ACLY: variants seen among roughly 807,000 people sequenced by gnomAD.
ACLY encodes the protein ATP-citrate synthase.
Under a neutral mutation model 133.0 loss-of-function variants are expected in ACLY, and 41 were observed. The ratio of observed to expected loss-of-function variants is 0.31; its 90% confidence interval spans 0.24 to 0.40. The LOEUF (loss-of-function observed/expected upper bound fraction) is 0.40, where lower values mean the gene tolerates loss of function less well. Ranked by LOEUF, ACLY falls within the 10% of genes least tolerant of loss-of-function variation. ACLY has a pLI of 1.00. For synonymous variants in ACLY, 495 were observed against 549.3 expected (o/e 0.90, Z 1.38); for missense variants, 1,046 against 1,453.8 (o/e 0.72, Z 4.56).
chr17:41,908,502 G>A (rs1242678342), intron 6 of ACLY, among the ~76,000 whole-genome samples: 3 of 152,138 alleles, frequency 2.0e-5, no homozygotes, highest in Admixed American at 6.5e-5. Flanking sequence ...GGTGGCTCAC[G>A]CCTGTAATCT....
intron 1 of ACLY, among the ~76,000 whole-genome samples, chr17:41,918,351 G>C (rs1209997225): frequency 6.6e-6 from 1 of 152,214 alleles, no homozygotes; most frequent in Non-Finnish European, 1.5e-5. Context: ...CGCCCCGGAG[G>C]CGCGCATAGC....
chr17:41,921,743 G>A (rs963980378), upstream of ACLY, among the ~76,000 whole-genome samples: 6 of 151,488 alleles, frequency 4.0e-5, no homozygotes, highest in Non-Finnish European at 5.9e-5. Flanking sequence ...GCCAAGGTGG[G>A]AAAATCACTT....
chr17:41,868,904 C>T lies in ACLY; in HGVS notation c.3135-119G>A, dbSNP rs151071150. The T allele has an allele frequency of 1.6e-5, 22 of 1,347,612 alleles. No homozygotes were observed. In the African/African-American group the frequency reaches 2.3e-4, roughly 14 times the overall value. The allele number at this position is 1,347,612 out of a possible 1,614,324, so 83.5% of individuals were successfully genotyped here. A position where few individuals can be genotyped will look rare whatever the true frequency, so the allele number is the denominator to read the frequency against. On this transcript the variant is annotated intron_variant, in intron 27 of 28. Transcript: ENST00000352035. ...AGGGGTGCTCTGGGTGGTAGCATTA[C>T]AGGCAATTTTTGTTTTCTTCTTTAT...
intron 6 of ACLY, 90 bp from the exon 7 acceptor site, chr17:41,907,662 G>C: frequency 6.7e-7 from 1 of 1,482,524 alleles, no homozygotes; most frequent in Non-Finnish European, 9.3e-7. Context: ...CCGATCCCAT[G>C]GTGGCCCATT....
At chr17:41,881,382 C>A (rs2144255445) in intron 20 of ACLY, among the ~76,000 whole-genome samples, 1 of 138,978 alleles carries the variant, frequency 7.2e-6, no homozygotes, top group African/African-American at 2.7e-5. Flanking sequence ...GAGATCGCAC[C>A]ACTGCACTCC....
intron 16 of ACLY, among the ~76,000 whole-genome samples, chr17:41,889,062 G>C (rs1232925550): frequency 1.3e-5 from 2 of 150,552 alleles, no homozygotes; most frequent in Non-Finnish European, 3.0e-5. Flanking sequence ...AGGTTGCGGT[G>C]AGCCGAGATC....
At chr17:41,897,426 C>T (rs1200147778) in intron 13 of ACLY, among the ~76,000 whole-genome samples, 3 of 152,166 alleles carry the variant, frequency 2.0e-5, no homozygotes, top group Admixed American at 1.3e-4. Flanking sequence ...TCTCAGAGAA[C>T]TTTCCACTTC....
At chr17:41,868,959 A>G in intron 27 of ACLY, 84 bp downstream of exon 27, 1 of 1,374,850 alleles carries the variant, frequency 7.3e-7, no homozygotes, top group Non-Finnish European at 1.0e-6. Context: ...ATATTCTATT[A>G]TGAGTATGCA....
At position 41,868,701 on chromosome 17, in the gene ACLY, G is replaced by A. The variant is rs782298342; in HGVS notation, c.3211+8C>T. On this transcript the variant is annotated splice_region_variant and intron_variant, in intron 28 of 28. Coordinates refer to ENST00000352035, the MANE Select transcript of ACLY (RefSeq NM_001096.3). ...AAAAACACTTAAAACAACAACGAAT[G>A]GACTCACCAATGAACCCCATACTCC... 1 of 1,611,710 alleles carries A rather than the reference G, an allele frequency of 6.2e-7. No individual in the cohort carries two copies. The highest frequency in any genetic ancestry group is 1.3e-5 in the African/African-American group (1 of 74,652).
intron 19 of ACLY, 118 bp downstream of exon 19, chr17:41,884,075 G>A (rs557622705): frequency 3.1e-6 from 2 of 637,456 alleles, no homozygotes; most frequent in South Asian, 1.9e-5. Flanking sequence ...TCTAGGGGAT[G>A]GGATTACCAG....
chr17:41,929,913 C>G (rs1325685828), intron 1 of ACLY, among the ~76,000 whole-genome samples: 1 of 151,816 alleles, frequency 6.6e-6, no homozygotes, highest in Non-Finnish European at 1.5e-5. Flanking sequence ...CATCTTTTTA[C>G]TATTTAAACT....
chr17:41,902,338 C>T (rs782201084), intron 10 of ACLY, among the ~76,000 whole-genome samples: 6 of 152,166 alleles, frequency 3.9e-5, no homozygotes, highest in Non-Finnish European at 7.3e-5. Context: ...CTCATCCTCC[C>T]GAGTAGCTGG....
chr17:41,885,608 G>C (rs1471904829), intron 18 of ACLY, among the ~76,000 whole-genome samples: 1 of 152,188 alleles, frequency 6.6e-6, no homozygotes, highest in Non-Finnish European at 1.5e-5. Context: ...AGCACCTGCT[G>C]AACGCAGGCC....
chr17:41,923,491 C>T (rs1340953030), upstream of ACLY, among the ~76,000 whole-genome samples: 1 of 152,238 alleles, frequency 6.6e-6, no homozygotes, highest in African/African-American at 2.4e-5. Flanking sequence ...ACCTAATGAT[C>T]TTCAGACTCC....
At chr17:41,875,904 T>C (rs2048733722) in intron 22 of ACLY, among the ~76,000 whole-genome samples, 1 of 146,130 alleles carries the variant, frequency 6.8e-6, no homozygotes, top group African/African-American at 2.6e-5. Flanking sequence ...TGGCCGCCCA[T>C]AGTCTGGGAT....
rs782715681 is a variant in ACLY, at chr17:41,884,282, G to A, written c.2073-8C>T. On this transcript the variant is annotated splice_region_variant and splice_polypyrimidine_tract_variant and intron_variant, in intron 18 of 28. Coordinates refer to ENST00000352035, the MANE Select transcript of ACLY (RefSeq NM_001096.3). Reference sequence around the variant, plus strand: ...AATGTGGAGCCCGGGTACCTGTTGAGAGCAGGGAGTATCAGGATACAGGAT... The same window carrying A: ...AATGTGGAGCCCGGGTACCTGTTGAAAGCAGGGAGTATCAGGATACAGGAT... The A allele has an allele frequency of 1.3e-6, 2 of 1,589,602 alleles. No individual in the cohort carries two copies. Among genetic ancestry groups the A allele is most frequent in the Non-Finnish European group, 1.7e-6 (2 of 1,157,734 alleles).
rs2049973245 is a variant in ACLY, at chr17:41,913,798, G to C, written c.76C>G (p.Gln26Glu). ...ACCCGAGCATACTTGAACCGATTCT[G>C]GATGGCTGAGGTGGTACAGATGAAC... ...YKFICTTSAI[Q>E]NRFKYARVTP... Residue 26 changes from glutamine to glutamate, a missense_variant, in exon 2 of 29, where the codon CAG becomes GAG. This residue lies in a region of ACLY where 227 missense variants were observed against 245.6 expected (regional missense o/e 0.92). Transcript: ENST00000352035. 2.5e-6 allele frequency: 4 copies of C among 1,614,146 alleles called. No homozygotes were observed. The South Asian group carries it at 3.3e-5, about 13-fold the overall frequency.
chr17:41,928,564 T>A (rs1244754090), intron 1 of ACLY, among the ~76,000 whole-genome samples: 2 of 148,782 alleles, frequency 1.3e-5, no homozygotes, highest in Non-Finnish European at 3.0e-5. Flanking sequence ...AAAAAAAGGC[T>A]GCTGGGGCCA....
upstream of ACLY, chr17:41,919,075 G>A (rs926203086): frequency 8.9e-6 from 11 of 1,230,272 alleles, no homozygotes; most frequent in East Asian, 3.6e-4. Flanking sequence ...TGAGCGCCAG[G>A]GCTCCTCCCA....
Sources: gnomAD v4.1 joint callset for allele counts (sites outside exome capture counted in the v4.1 genomes callset) on GRCh38, gnomAD v4.1.1 for gene constraint, gnomAD v4.1.1 regional missense constraint, MANE v1.5 for transcripts, NCBI Gene and HGNC (gene_info 2026-07-23, HGNC 2026-07-21) for gene names.